CACNA1D: variants seen among roughly 807,000 people sequenced by gnomAD.
CACNA1D encodes the protein calcium voltage-gated channel subunit alpha1 D, also known as voltage-dependent L-type calcium channel subunit alpha-1D.
CACNA1D carries 55 observed loss-of-function variants against 257.1 expected under a neutral mutation model. The ratio of observed to expected loss-of-function variants is 0.21; its 90% CI spans 0.17 to 0.27. The LOEUF is 0.27. CACNA1D is among the 10% of genes least tolerant of loss of function. The pLI is 1.00. For missense variants in CACNA1D, 1,876 were observed against 2,784.0 expected (o/e 0.67, Z 7.34); for synonymous variants, 980 against 1,014.9 (o/e 0.97, Z 0.65).
intron 9 of CACNA1D, among the ~76,000 whole-genome samples, chr3:53,707,197 A>G (rs1329185114): frequency 2.6e-5 from 4 of 152,060 alleles, no homozygotes; most frequent in Admixed American, 2.6e-4. Context: ...TGCGATGCCC[A>G]ACACTGGCTG....
In CACNA1D at chr3:53,518,609, T is replaced by A. The variant is rs538146707; in HGVS notation, c.483+16889T>A. On this transcript the variant is annotated intron_variant, in intron 3 of 47. Coordinates refer to ENST00000350061, the MANE Select transcript of CACNA1D (RefSeq NM_001128840.3). ...CTCTTCCCAAAGATGTTGCAACACT[T>A]GTCTTCAGAGCCAGTTTCTGCTTTT... Among the ~76,000 whole-genome samples the A allele has an allele frequency of 9.2e-5, 14 of 152,316 alleles. 1 individual carries two copies. The South Asian group carries it at 2.7e-3, about 29-fold the overall frequency.
chr3:53,763,431 C>T (rs1346056152), intron 30 of CACNA1D, among the ~76,000 whole-genome samples: 5 of 152,148 alleles, frequency 3.3e-5, no homozygotes, highest in South Asian at 2.1e-4. Flanking sequence ...CATGCTAGAC[C>T]GGAAGGCCTC....
intron 3 of CACNA1D, among the ~76,000 whole-genome samples, chr3:53,620,733 C>A (rs146967188): frequency 6.6e-6 from 1 of 152,186 alleles, no homozygotes; most frequent in Non-Finnish European, 1.5e-5. Flanking sequence ...TTGATTTGCA[C>A]CCTAAATTTT....
intron 19 of CACNA1D, 90 bp from the exon 20 acceptor site, chr3:53,735,284 G>A (rs2108785945): frequency 8.2e-7 from 1 of 1,217,840 alleles, no homozygotes; most frequent in Non-Finnish European, 1.2e-6. Context: ...CCTCTGCCTG[G>A]CCTCTTGCTG....
chr3:53,675,094 G>T (rs1318265988), intron 8 of CACNA1D, among the ~76,000 whole-genome samples: 4 of 152,184 alleles, frequency 2.6e-5, no homozygotes, highest in African/African-American at 9.7e-5. Context: ...AATGTAGTCA[G>T]TTCCACACCA....
chr3:53,647,720 G>C (rs1179340952), intron 3 of CACNA1D, among the ~76,000 whole-genome samples: 1 of 152,220 alleles, frequency 6.6e-6, no homozygotes, highest in African/African-American at 2.4e-5. Flanking sequence ...TTCATTTGTT[G>C]AATGTGGAGG....
At chr3:53,761,902 T>G in intron 29 of CACNA1D, 96 bp from the exon 30 acceptor site, 1 of 858,186 alleles carries the variant, frequency 1.2e-6, no homozygotes, top group Non-Finnish European at 2.0e-6. Flanking sequence ...CTGGGTGCCA[T>G]GGGTGCGGCA....
chr3:53,750,862 G>A (rs2095219496), intron 27 of CACNA1D, among the ~76,000 whole-genome samples: 1 of 152,156 alleles, frequency 6.6e-6, no homozygotes, highest in African/African-American at 2.4e-5. Context: ...TGAGCTGAGG[G>A]CTCTTGGGGC....
intron 40 of CACNA1D, among the ~76,000 whole-genome samples, chr3:53,787,425 C>CTGTGTGTGTGTGTG (rs3217446): frequency 0.049 from 6,663 of 135,836 alleles, 175 homozygotes; most frequent in African/African-American, 0.061. Flanking sequence ...AGTATGTATT[C>CTGTGTGTGTGTGTG]TGTGTGTGTG....
chr3:53,714,227 A>C (rs1294629697), intron 9 of CACNA1D, among the ~76,000 whole-genome samples: 4 of 152,168 alleles, frequency 2.6e-5, no homozygotes, highest in Non-Finnish European at 5.9e-5. Context: ...TTATTTCTAC[A>C]GTAGGGGACT....
At chr3:53,691,879 TAA>T (rs1559523118) in intron 8 of CACNA1D, among the ~76,000 whole-genome samples, 6 of 56,446 alleles carry the variant, frequency 1.1e-4, no homozygotes, top group African/African-American at 4.1e-4. Flanking sequence ...ATATTACATA[TAA>T]TATATATTAT....
At chr3:53,704,907 G>T (rs2094670378) in intron 9 of CACNA1D, among the ~76,000 whole-genome samples, 1 of 152,182 alleles carries the variant, frequency 6.6e-6, no homozygotes, top group East Asian at 1.9e-4. Context: ...TTCTAGTGTT[G>T]CTAACATTAG....
intron 3 of CACNA1D, among the ~76,000 whole-genome samples, chr3:53,502,364 A>G (rs1054272329): frequency 6.6e-6 from 1 of 152,126 alleles, no homozygotes; most frequent in Admixed American, 6.6e-5. Flanking sequence ...TATAGTGCAC[A>G]TTAGCTTAGT....
At chr3:53,511,549 C>T (rs753175178) in intron 3 of CACNA1D, among the ~76,000 whole-genome samples, 1 of 152,032 alleles carries the variant, frequency 6.6e-6, no homozygotes, top group African/African-American at 2.4e-5. Flanking sequence ...TCAGAAATGC[C>T]GCGCAAGCAG....
At chr3:53,803,636 G>C in intron 44 of CACNA1D, 64 bp downstream of exon 44, 2 of 1,540,464 alleles carry the variant, frequency 1.3e-6, no homozygotes, top group Non-Finnish European at 1.8e-6. Context: ...GGCCCACTCC[G>C]GAAGCCAGGG....
chr3:53,773,088 G>A (rs1390380347), intron 33 of CACNA1D, among the ~76,000 whole-genome samples, 190 bp downstream of exon 33: 1 of 152,242 alleles, frequency 6.6e-6, no homozygotes, highest in Non-Finnish European at 1.5e-5. Flanking sequence ...AGGCTCAGAT[G>A]AATGTGGAGA....
intron 3 of CACNA1D, among the ~76,000 whole-genome samples, chr3:53,536,512 A>G (rs1040521576): frequency 1.3e-5 from 2 of 152,268 alleles, no homozygotes; most frequent in Non-Finnish European, 2.9e-5. Flanking sequence ...TATAGTCCAG[A>G]TGGTATCTCC....
intron 5 of CACNA1D, among the ~76,000 whole-genome samples, chr3:53,661,059 G>A (rs930043621): frequency 2.6e-5 from 4 of 152,230 alleles, no homozygotes; most frequent in African/African-American, 9.6e-5. Flanking sequence ...AACAGCTGCA[G>A]CCTCTTATCC....
intron 3 of CACNA1D, among the ~76,000 whole-genome samples, chr3:53,542,661 A>G (rs985053133): frequency 3.3e-5 from 5 of 152,224 alleles, no homozygotes; most frequent in Non-Finnish European, 5.9e-5. Context: ...CAAGTTAGAT[A>G]TAAGTGAAAT....
Sources: allele counts gnomAD v4.1 joint callset (sites outside exome capture counted in the v4.1 genomes callset), GRCh38; gene constraint gnomAD v4.1.1; transcripts MANE v1.5; gene names NCBI Gene and HGNC (gene_info 2026-07-23, HGNC 2026-07-21).